The following PRORP variants were observed in gnomAD, a reference collection of about 807,000 sequenced individuals.
The protein encoded by PRORP is mitochondrial ribonuclease P catalytic subunit.
PRORP carries 51 observed loss-of-function variants against 59.4 expected under a neutral mutation model. The ratio of observed to expected loss-of-function variants is 0.86; its 90% confidence interval spans 0.69 to 1.08. The LOEUF (loss-of-function observed/expected upper bound fraction) is 1.08. Among genes scored for constraint, PRORP ranks in the 50% least tolerant of loss-of-function variants. The pLI is 0.00. For missense variants in PRORP, 646 were observed against 690.3 expected (o/e 0.94, Z 0.72); for synonymous variants, 231 against 245.6 (o/e 0.94, Z 0.55).
intron 2 of PRORP, among the ~76,000 whole-genome samples, chr14:35,125,141 G>A (rs879330592): frequency 2.0e-5 from 3 of 152,066 alleles, no homozygotes; most frequent in Non-Finnish European, 2.9e-5. Flanking sequence ...GATTACAGGC[G>A]TGAACCACCG....
rs571850300 is a variant in PRORP at position 35,214,312 on chromosome 14, T to A, written c.1275+33535T>A. On this transcript the variant is annotated intron_variant, in intron 5 of 7. Transcript: ENST00000534898. ...TTGTAAACCAGCCTAAATAATGAAA[T>A]TGTAGGAGTTTAGAATAATATCCCA... 2.0e-5 allele frequency among the ~76,000 whole-genome samples: 3 copies of A among 152,270 alleles called. No individual in the cohort carries two copies. In the East Asian group the frequency reaches 5.8e-4, roughly 29 times the overall value.
chr14:35,171,079 C>T (rs559411655), intron 4 of PRORP, among the ~76,000 whole-genome samples: 37 of 152,244 alleles, frequency 2.4e-4, no homozygotes, highest in Non-Finnish European at 4.4e-4. Flanking sequence ...GAACTCCCGA[C>T]CTCAGGTGAT....
At chr14:35,220,372 A>G (rs575446530) in intron 5 of PRORP, among the ~76,000 whole-genome samples, 1 of 152,332 alleles carries the variant, frequency 6.6e-6, no homozygotes, top group East Asian at 1.9e-4. Context: ...TTGAGAACAC[A>G]TTCTAGATCT....
intron 5 of PRORP, among the ~76,000 whole-genome samples, chr14:35,226,136 A>G (rs973574993): frequency 3.9e-5 from 6 of 152,204 alleles, no homozygotes; most frequent in African/African-American, 1.4e-4. Context: ...TATTTGTGCC[A>G]TGATGTTTCT....
At chr14:35,214,723 A>G (rs1022872583) in intron 5 of PRORP, among the ~76,000 whole-genome samples, 1 of 152,210 alleles carries the variant, frequency 6.6e-6, no homozygotes, top group Non-Finnish European at 1.5e-5. Context: ...CCTGGCCAAC[A>G]TGGCGAAACT....
In PRORP at chr14:35,145,732, A is replaced by AGAAGGAAG. The variant is rs554532604; in HGVS notation, c.1167+18141_1167+18148dup. ...AGACTCCATCTCAAAAAAGAAAGAA[A>AGAAGGAAG]GAAGGAAGGAAGGAAGGAAGGAAGG... On this transcript the variant is annotated intron_variant, in intron 4 of 7. Transcript: ENST00000534898. Among the ~76,000 whole-genome samples the AGAAGGAAG allele has an allele frequency of 6.0e-4, 77 of 127,854 alleles. 4 individuals carry two copies. The highest frequency in any genetic ancestry group is 1.6e-3 in the South Asian group (6 of 3,660). The allele number at this position is 127,854 out of a possible 152,430, so 83.9% of individuals were successfully genotyped here.
chr14:35,261,977 A>G (rs2050915431), intron 5 of PRORP, among the ~76,000 whole-genome samples: 1 of 152,170 alleles, frequency 6.6e-6, no homozygotes, highest in Non-Finnish European at 1.5e-5. Flanking sequence ...GCCCCAGAAT[A>G]GTTCAAGATA....
chr14:35,123,760 T>A lies in PRORP; in HGVS notation c.515T>A (p.Ile172Asn). 1 of 1,614,252 alleles carries A rather than the reference T, an allele frequency of 6.2e-7. No homozygotes were observed. The highest frequency in any genetic ancestry group is 8.5e-7 in the Non-Finnish European group (1 of 1,180,044). ...TGGGTAGCAGCCAAAAATAATGGTA[T>A]TGTAAGTTACGATTTACTGGTCAAG... is the stretch of plus-strand genomic sequence containing the variant. ...LAWVAAKNNG[I>N]VSYDLLVKYL... The change falls in exon 2 of 8, where the codon ATT (isoleucine) becomes AAT (asparagine). Residue 172 changes from isoleucine (I) to asparagine (N), a missense_variant. Physicochemically the swap from Ile to Asn is moderately radical, Grantham distance 149. Transcript: ENST00000534898.
chr14:35,124,617 C>T (rs2047050085), intron 2 of PRORP, among the ~76,000 whole-genome samples: 1 of 150,688 alleles, frequency 6.6e-6, no homozygotes, highest in African/African-American at 2.5e-5. Context: ...AATCTTTACC[C>T]ATCACATAAA....
At position 35,122,972 on chromosome 14, in the gene PRORP, G is replaced by C. The variant is rs2046972303; in HGVS notation, c.-274G>C. On this transcript the variant is annotated 5_prime_UTR_variant, in exon 2 of 8. Transcript: ENST00000534898. Reference sequence around the variant, plus strand: ...CTCAGGTTCATGAACTGGAATGTAAGAGGCACCAGAGGATTCCTGCTCTGT... The same window carrying C: ...CTCAGGTTCATGAACTGGAATGTAACAGGCACCAGAGGATTCCTGCTCTGT... The C allele has an allele frequency of 2.5e-6, 1 of 403,324 alleles. No homozygotes were observed. The highest frequency in any genetic ancestry group is 4.5e-6 in the Non-Finnish European group (1 of 221,938). The allele number at this position is 403,324 out of a possible 1,614,324, so 25.0% of individuals were successfully genotyped here.
intron 5 of PRORP, among the ~76,000 whole-genome samples, chr14:35,202,026 G>A (rs28446606): frequency 0.1 from 15,137 of 150,300 alleles, 844 homozygotes; most frequent in African/African-American, 0.15. Flanking sequence ...CTGGAGTGCA[G>A]TGGTGTGATC....
intron 5 of PRORP, among the ~76,000 whole-genome samples, chr14:35,226,009 A>T (rs1288324511): frequency 1.3e-5 from 2 of 152,204 alleles, no homozygotes; most frequent in Non-Finnish European, 2.9e-5. Flanking sequence ...TGACCTAGTG[A>T]TACCTGTTAT....
chr14:35,230,959 A>ACACACG (rs2050063767), intron 5 of PRORP, among the ~76,000 whole-genome samples: 2 of 151,848 alleles, frequency 1.3e-5, no homozygotes, highest in South Asian at 4.2e-4. Context: ...ACACACACAC[A>ACACACG]CACACACACA....
chr14:35,198,681 C>CA (rs1224309097), intron 5 of PRORP, among the ~76,000 whole-genome samples: 1 of 152,234 alleles, frequency 6.6e-6, no homozygotes, highest in Non-Finnish European at 1.5e-5. Flanking sequence ...GTAGTAAGCA[C>CA]TCTGAAGAGG....
chr14:35,217,491 ACT>A (rs1470459323), intron 5 of PRORP, among the ~76,000 whole-genome samples: 2 of 139,860 alleles, frequency 1.4e-5, no homozygotes, highest in African/African-American at 5.5e-5. Context: ...ACAGAGCAAG[ACT>A]CTGTCTCAAA....
At chr14:35,178,401 A>G (rs113574353) in intron 4 of PRORP, among the ~76,000 whole-genome samples, 3 of 152,132 alleles carry the variant, frequency 2.0e-5, no homozygotes, top group Admixed American at 1.3e-4. Flanking sequence ...GTCTCTGAGG[A>G]CTTGCTTTAT....
chr14:35,211,884 G>T (rs1212133944), intron 5 of PRORP, among the ~76,000 whole-genome samples: 2 of 152,256 alleles, frequency 1.3e-5, no homozygotes, highest in East Asian at 1.9e-4. Context: ...TCTGTAGCAC[G>T]CAATGCTGTT....
intron 4 of PRORP, among the ~76,000 whole-genome samples, chr14:35,178,707 A>T (rs1467115241): frequency 6.6e-6 from 1 of 152,078 alleles, no homozygotes; most frequent in African/African-American, 2.4e-5. Flanking sequence ...AGTTTGCCAG[A>T]CTGTGTCTTT....
chr14:35,218,113 C>A (rs534524088), intron 5 of PRORP, among the ~76,000 whole-genome samples: 1 of 152,182 alleles, frequency 6.6e-6, no homozygotes, highest in African/African-American at 2.4e-5. Flanking sequence ...AAATTCATAT[C>A]ATTTCTGTAA....
Sources: allele counts gnomAD v4.1 joint callset (sites outside exome capture counted in the v4.1 genomes callset), GRCh38; gene constraint gnomAD v4.1.1; transcripts MANE v1.5; gene names NCBI Gene and HGNC (gene_info 2026-07-23, HGNC 2026-07-21).